MPP4: variants seen among roughly 807,000 people sequenced by gnomAD.
The protein encoded by MPP4 is MAGUK p55 scaffold protein 4.
MPP4 carries 91 observed loss-of-function variants against 98.3 expected under a neutral mutation model. That is an observed-to-expected ratio of 0.93 (90% confidence interval 0.78 to 1.10). MPP4 has a LOEUF of 1.10. Among genes scored for constraint, MPP4 ranks in the 50% least tolerant of loss-of-function variants. The probability of loss-of-function intolerance (pLI) is 0.00; values close to 1 mark genes in which losing one functional copy is unlikely to be tolerated. For synonymous variants in MPP4, 261 were observed against 271.8 expected (o/e 0.96, Z 0.39); for missense variants, 744 against 792.9 (o/e 0.94, Z 0.74).
At chr2:201,651,826 C>T (rs1026143684) in intron 18 of MPP4, 1 of 307,672 alleles carries the variant, frequency 3.3e-6, no homozygotes, top group Non-Finnish European at 4.7e-6. Flanking sequence ...TGGTGACGTA[C>T]ACCTGTAATC....
At chr2:201,692,100 C>T (rs548529688) in intron 3 of MPP4, among the ~76,000 whole-genome samples, 14 of 152,210 alleles carry the variant, frequency 9.2e-5, no homozygotes, top group Admixed American at 2.6e-4. Context: ...CCTTCCTAAG[C>T]GAAGAAGTTT....
chr2:201,694,041 C>G lies in MPP4; in HGVS notation c.-87G>C. 2.5e-6 allele frequency: 4 copies of G among 1,611,706 alleles called. No homozygotes were observed. Among genetic ancestry groups the G allele is most frequent in the Non-Finnish European group, 2.5e-6 (3 of 1,178,914 alleles). On this transcript the variant is annotated 5_prime_UTR_variant, in exon 2 of 22. Transcript: ENST00000409474. ...CAGCTCACTCAGTCCCACTGGCCAC[C>G]AGCTCTCAGCACACTGGAATATATT...
intron 18 of MPP4, among the ~76,000 whole-genome samples, chr2:201,654,209 C>G (rs1298065885): frequency 6.6e-6 from 1 of 152,122 alleles, no homozygotes; most frequent in African/African-American, 2.4e-5. Context: ...CTCCTGACCT[C>G]AGATGATCCA....
At chr2:201,682,970 T>C in intron 7 of MPP4, 54 bp from the exon 8 acceptor site, 1 of 1,374,258 alleles carries the variant, frequency 7.3e-7, no homozygotes, top group Non-Finnish European at 1.0e-6. Context: ...AGGATAAAAA[T>C]AGCAGTAGCT....
intron 21 of MPP4, among the ~76,000 whole-genome samples, chr2:201,646,151 C>T (rs1487442623): frequency 1.3e-5 from 2 of 152,132 alleles, no homozygotes; most frequent in African/African-American, 4.8e-5. Flanking sequence ...CCCGTGTGAA[C>T]TTATCTTACT....
Position 201,677,320 on chromosome 2 carries a change from C to T in MPP4, c.930-2049G>A, listed in dbSNP as rs187418159. Reference sequence around the variant, plus strand: ...AATGGGGCCTCTCACTGGAAAGTCACGTCTACTTGCCAAAAATATTTGCTA... The same window carrying T: ...AATGGGGCCTCTCACTGGAAAGTCATGTCTACTTGCCAAAAATATTTGCTA... On this transcript the variant is annotated intron_variant, in intron 10 of 21. Transcript: ENST00000409474. Among the ~76,000 whole-genome samples the T allele has an allele frequency of 3.5e-4, 54 of 152,308 alleles. 1 individual carries two copies. Among genetic ancestry groups the T allele is most frequent in the South Asian group, 8.3e-4 (4 of 4,818 alleles).
chr2:201,689,277 A>T (rs1284764866), intron 4 of MPP4, among the ~76,000 whole-genome samples: 2 of 152,186 alleles, frequency 1.3e-5, no homozygotes, highest in African/African-American at 4.8e-5. Context: ...GTGAGCAGAG[A>T]TCATGCCACT....
intron 14 of MPP4, among the ~76,000 whole-genome samples, chr2:201,660,609 C>A (rs902997458): frequency 6.6e-6 from 1 of 152,136 alleles, no homozygotes; most frequent in Non-Finnish European, 1.5e-5. Context: ...CTTTTTAACT[C>A]AGGAAGACTC....
intron 13 of MPP4, 80 bp downstream of exon 13, chr2:201,666,254 G>T: frequency 1.6e-6 from 2 of 1,262,510 alleles, no homozygotes; most frequent in South Asian, 2.8e-5. Context: ...GGCCCCTTTG[G>T]ACACCTCTGC....
At chr2:201,687,187 G>A (rs1284706567) in intron 5 of MPP4, 104 bp downstream of exon 5, 13 of 949,722 alleles carry the variant, frequency 1.4e-5, no homozygotes, top group Non-Finnish European at 2.1e-5. Context: ...TACAGTAATA[G>A]AACATCTATT....
chr2:201,685,030 C>A (rs1322022491), intron 7 of MPP4, 34 bp downstream of exon 7: 2 of 1,573,136 alleles, frequency 1.3e-6, no homozygotes, highest in Non-Finnish European at 1.7e-6. Flanking sequence ...TCCTGTTTTT[C>A]TGGTAACTCT....
intron 12 of MPP4, 161 bp from the exon 13 acceptor site, chr2:201,666,533 C>A: frequency 1.9e-6 from 1 of 519,874 alleles, no homozygotes. Flanking sequence ...CCAACTTGAC[C>A]GACATGGTGA....
intron 14 of MPP4, 104 bp downstream of exon 14, chr2:201,663,977 A>C: frequency 1.3e-6 from 1 of 763,336 alleles, no homozygotes; most frequent in East Asian, 3.3e-5. Context: ...TTAATTTTTT[A>C]ATGTTGATAT....
In MPP4 at chr2:201,693,892, G is replaced by A. The variant is rs1047217180; in HGVS notation, c.63C>T (p.Ala21=). ...PDKKDMKLST[A]TNPQNGLSQI... The stretch of plus-strand genomic sequence containing the variant: ...GACACATACCATTCTGTGGATTGGT[G>A]GCTGTAGAAAGCTTCATGTCCTTCT... The change falls in exon 2 of 22, where the codon GCC becomes GCT. Residue 21 remains alanine (A), a synonymous_variant. Transcript: ENST00000409474. The A allele has an allele frequency of 6.2e-7, 1 of 1,613,948 alleles. No homozygotes were observed. Among genetic ancestry groups the A allele is most frequent in the African/African-American group, 1.3e-5 (1 of 75,044 alleles).
intron 11 of MPP4, chr2:201,673,549 TC>T: frequency 4.8e-6 from 1 of 207,478 alleles, no homozygotes; most frequent in Non-Finnish European, 9.6e-6. Flanking sequence ...TGCACATGTA[TC>T]CCAGAACTTA....
chr2:201,693,108 C>A (rs1400286653), intron 2 of MPP4, 79 bp from the exon 3 acceptor site: 5 of 1,504,338 alleles, frequency 3.3e-6, no homozygotes, highest in Non-Finnish European at 4.5e-6. Context: ...CTGGGGCATG[C>A]CATGGGGTCT....
chr2:201,674,275 A>T (rs190310093), intron 11 of MPP4, among the ~76,000 whole-genome samples: 1 of 152,354 alleles, frequency 6.6e-6, no homozygotes, highest in East Asian at 1.9e-4. Flanking sequence ...GAAGGCCTCA[A>T]CTTGGGGAGG....
intron 13 of MPP4, 138 bp from the exon 14 acceptor site, chr2:201,664,239 G>C: frequency 6.7e-7 from 1 of 1,489,968 alleles, no homozygotes; most frequent in Non-Finnish European, 9.0e-7. Flanking sequence ...CTAAATCAAG[G>C]TCGAATCGAT....
chr2:201,696,328 A>AT (rs1689180071), intron 1 of MPP4, among the ~76,000 whole-genome samples: 1 of 152,210 alleles, frequency 6.6e-6, no homozygotes, highest in African/African-American at 2.4e-5. Flanking sequence ...TCACAGCTGC[A>AT]TATCTGACTC....
Sources: allele counts gnomAD v4.1 joint callset (sites outside exome capture counted in the v4.1 genomes callset), GRCh38; gene constraint gnomAD v4.1.1; transcripts MANE v1.5; gene names NCBI Gene and HGNC (gene_info 2026-07-23, HGNC 2026-07-21).